PTPRG: variants seen among roughly 807,000 people sequenced by gnomAD.
PTPRG encodes the protein receptor-type tyrosine-protein phosphatase gamma.
A neutral mutation model predicts 165.3 loss-of-function variants in PTPRG; 102 were observed. The ratio of observed to expected loss-of-function variants is 0.62; its 90% confidence interval spans 0.53 to 0.73. The LOEUF (loss-of-function observed/expected upper bound fraction) is 0.73. Ranked by LOEUF, PTPRG falls within the 30% of genes least tolerant of loss-of-function variation. The pLI, the probability that PTPRG is intolerant of heterozygous loss-of-function variation, is 0.00. For synonymous variants in PTPRG, 675 were observed against 669.5 expected, an observed-to-expected ratio of 1.01 and a Z score of -0.13; for missense variants, 1,866 against 1,861.4, an observed-to-expected ratio of 1.00 and a Z score of -0.05.
At chr3:62,128,755 C>A (rs1576038397) in intron 5 of PTPRG, among the ~76,000 whole-genome samples, 1 of 149,736 alleles carries the variant, frequency 6.7e-6, no homozygotes, top group Non-Finnish European at 1.5e-5. Context: ...AATGTAAACA[C>A]AGGTTGCTAA....
At chr3:61,985,701 T>G (rs2040742169) in intron 2 of PTPRG, among the ~76,000 whole-genome samples, 1 of 152,174 alleles carries the variant, frequency 6.6e-6, no homozygotes, top group Non-Finnish European at 1.5e-5. Context: ...GATTGATCAT[T>G]AAGACTAAAT....
At chr3:61,839,665 A>G (rs1233116673) in intron 2 of PTPRG, among the ~76,000 whole-genome samples, 1 of 152,262 alleles carries the variant, frequency 6.6e-6, no homozygotes, top group Non-Finnish European at 1.5e-5. Context: ...AGTCTATTTT[A>G]AGGTTATAGA....
intron 5 of PTPRG, among the ~76,000 whole-genome samples, chr3:62,082,375 A>G (rs986129245): frequency 6.6e-5 from 10 of 152,184 alleles, no homozygotes; most frequent in Admixed American, 1.3e-4. Context: ...TGGTTGTCCA[A>G]TGAACCCTTA....
At chr3:61,903,026 C>T (rs767660379) in intron 2 of PTPRG, among the ~76,000 whole-genome samples, 8 of 152,114 alleles carry the variant, frequency 5.3e-5, no homozygotes, top group Non-Finnish European at 1.0e-4. Flanking sequence ...CATGTAAGAC[C>T]TGCCAAACTC....
At chr3:61,707,559 C>T (rs186359857) in intron 1 of PTPRG, among the ~76,000 whole-genome samples, 2 of 152,298 alleles carry the variant, frequency 1.3e-5, no homozygotes, top group South Asian at 2.1e-4. Context: ...GAAGGTTAGA[C>T]TTTGTATTCT....
intron 2 of PTPRG, among the ~76,000 whole-genome samples, chr3:61,950,142 TTGTG>T (rs2039865384): frequency 2.0e-5 from 3 of 152,226 alleles, no homozygotes; most frequent in South Asian, 4.1e-4. Context: ...TTAAAATACT[TTGTG>T]TGGCTTACAA....
chr3:61,742,581 G>T (rs537538996), intron 1 of PTPRG: 12 of 1,592,686 alleles, frequency 7.5e-6, no homozygotes, highest in African/African-American at 1.3e-5. Context: ...CAAGCTCATC[G>T]GCTGTCATCT....
chr3:61,968,569 A>G (rs567331536), intron 2 of PTPRG, among the ~76,000 whole-genome samples: 3 of 152,338 alleles, frequency 2.0e-5, no homozygotes, highest in East Asian at 1.9e-4. Context: ...TGCCTTTGGC[A>G]TTATCTGAGA....
At chr3:61,581,640 C>A (rs1214224958) in intron 1 of PTPRG, among the ~76,000 whole-genome samples, 1 of 147,920 alleles carries the variant, frequency 6.8e-6, no homozygotes, top group Non-Finnish European at 1.5e-5. Context: ...GAGACAGTCT[C>A]GCTCTGTCCC....
chr3:62,189,918 C>T (rs1699765710), intron 8 of PTPRG, among the ~76,000 whole-genome samples: 1 of 152,166 alleles, frequency 6.6e-6, no homozygotes, highest in Non-Finnish European at 1.5e-5. Context: ...GCTCCAGCCC[C>T]TCAGACCTTC....
intron 1 of PTPRG, among the ~76,000 whole-genome samples, chr3:61,651,466 C>G (rs1294811530): frequency 6.6e-5 from 10 of 151,778 alleles, no homozygotes. Flanking sequence ...GTTGTTTATC[C>G]TGAACGGGCC....
chr3:61,583,276 T>G (rs1700349307), intron 1 of PTPRG, among the ~76,000 whole-genome samples: 1 of 152,178 alleles, frequency 6.6e-6, no homozygotes, highest in African/African-American at 2.4e-5. Flanking sequence ...AACGCAAGGC[T>G]GAGGCATTGT....
At chr3:62,283,653 G>A (rs929829293) in intron 28 of PTPRG, among the ~76,000 whole-genome samples, 5 of 152,032 alleles carry the variant, frequency 3.3e-5, no homozygotes, top group African/African-American at 1.2e-4. Flanking sequence ...CATTCATTAT[G>A]TTCATTAAAT....
intron 2 of PTPRG, among the ~76,000 whole-genome samples, chr3:61,801,029 G>A (rs1267360750): frequency 2.0e-5 from 3 of 152,154 alleles, no homozygotes; most frequent in African/African-American, 7.2e-5. Flanking sequence ...CTCTGGTGAA[G>A]CCCCTGCCCT....
intron 2 of PTPRG, among the ~76,000 whole-genome samples, chr3:61,814,568 T>A (rs1004313668): frequency 1.3e-5 from 2 of 151,920 alleles, no homozygotes; most frequent in East Asian, 1.9e-4. Context: ...CTCTGAAGAT[T>A]TTCTCAGACC....
At chr3:61,637,096 A>G (rs1455206220) in intron 1 of PTPRG, among the ~76,000 whole-genome samples, 1 of 152,132 alleles carries the variant, frequency 6.6e-6, no homozygotes, top group African/African-American at 2.4e-5. Context: ...TCTCTTAGCC[A>G]TTGTTCTGTG....
intron 4 of PTPRG, among the ~76,000 whole-genome samples, chr3:62,059,577 C>T (rs1700737805): frequency 6.6e-6 from 1 of 152,214 alleles, no homozygotes; most frequent in Admixed American, 6.5e-5. Flanking sequence ...GTGGCTCACG[C>T]CTATAATCCC....
chr3:61,843,104 T>C (rs1239650286), intron 2 of PTPRG, among the ~76,000 whole-genome samples: 1 of 152,256 alleles, frequency 6.6e-6, no homozygotes, highest in Non-Finnish European at 1.5e-5. Flanking sequence ...CAGTTTCATA[T>C]TGATTCATTC....
chr3:62,128,625 C>T (rs924947053), intron 5 of PTPRG, among the ~76,000 whole-genome samples: 1 of 151,038 alleles, frequency 6.6e-6, no homozygotes, highest in African/African-American at 2.4e-5. Context: ...CTCATGACAA[C>T]ATTATGAGAC....
Sources: gnomAD v4.1 joint callset for allele counts (sites outside exome capture counted in the v4.1 genomes callset) on GRCh38, gnomAD v4.1.1 for gene constraint, MANE v1.5 for transcripts, NCBI Gene and HGNC (gene_info 2026-07-23, HGNC 2026-07-21) for gene names.